ASH1L: variants seen among roughly 807,000 people sequenced by gnomAD.
The protein encoded by ASH1L is ASH1 like histone lysine methyltransferase, also known as histone-lysine N-methyltransferase ASH1L.
Under a neutral mutation model 269.0 loss-of-function variants are expected in ASH1L, and 23 were observed. The observed-to-expected ratio is 0.09, with a 90% confidence interval of 0.06 to 0.12. The LOEUF (loss-of-function observed/expected upper bound fraction) is 0.12. ASH1L is among the 10% of genes least tolerant of loss of function. ASH1L has a pLI of 1.00. For synonymous variants in ASH1L, 1,187 were observed against 1,253.5 expected, an observed-to-expected ratio of 0.95 and a Z score of 1.12; for missense variants, 2,912 against 3,567.8, an observed-to-expected ratio of 0.82 and a Z score of 4.68.
At position 155,388,715 on chromosome 1, in the gene ASH1L, CTTT is replaced by C. The variant is rs142537672; in HGVS notation, c.6103+6741_6103+6743del. ...GGTCTATGTGTCCTGAATTGCGATT[CTTT>C]TTTTTTTTTTTTTTCATAGAAAACA... On this transcript the variant is annotated intron_variant, in intron 7 of 27. Transcript: ENST00000392403. Among the ~76,000 whole-genome samples, 684 of 131,666 alleles carry C rather than the reference CTTT, an allele frequency of 5.2e-3. 10 individuals are homozygous for C. The highest frequency in any genetic ancestry group is 0.02 in the African/African-American group (661 of 33,346). The allele number at this position is 131,666 out of a possible 152,430, so 86.4% of individuals were successfully genotyped here.
At chr1:155,375,008 T>G (rs963310794) in intron 10 of ASH1L, among the ~76,000 whole-genome samples, 3 of 151,914 alleles carry the variant, frequency 2.0e-5, no homozygotes, top group African/African-American at 4.8e-5. Flanking sequence ...GAGGTGGGGT[T>G]TTGCCATGTT....
intron 7 of ASH1L, among the ~76,000 whole-genome samples, chr1:155,383,618 T>C (rs1417804237): frequency 6.6e-6 from 1 of 152,242 alleles, no homozygotes; most frequent in Non-Finnish European, 1.5e-5. Context: ...TTTCTCAGAA[T>C]GTATCCTCAT....
In ASH1L at chr1:155,349,226, C is replaced by T. The variant is rs1653659192; in HGVS notation, c.7554+101G>A. The T allele has an allele frequency of 2.2e-6, 3 of 1,366,194 alleles. No individual in the cohort carries two copies. The Admixed American group carries it at 6.7e-5, about 31-fold the overall frequency. 84.6% of individuals were successfully genotyped at this position (1,366,194 alleles called of 1,614,324 possible). A position where few individuals can be genotyped will look rare whatever the true frequency, so the allele number is the denominator to read the frequency against. ...ACTCAAAAATGACTGGCTTTTCCAACCAGAAATATGGCTGATAGAGGAGGG... is the reference window on the plus strand; with the variant it reads ...ACTCAAAAATGACTGGCTTTTCCAATCAGAAATATGGCTGATAGAGGAGGG... On this transcript the variant is annotated intron_variant, in intron 19 of 27. Transcript: ENST00000392403.
At chr1:155,400,251 G>C (rs2148496234) in intron 6 of ASH1L, among the ~76,000 whole-genome samples, 2 of 151,728 alleles carry the variant, frequency 1.3e-5, no homozygotes, top group Non-Finnish European at 2.9e-5. Flanking sequence ...AGAATCGCTT[G>C]AATCTAGGAG....
intron 2 of ASH1L, among the ~76,000 whole-genome samples, chr1:155,484,802 G>A (rs534115957): frequency 1.0e-4 from 15 of 150,748 alleles, no homozygotes; most frequent in South Asian, 2.1e-4. Context: ...GGTGGCGGGC[G>A]CCTGTAATCC....
At chr1:155,506,504 C>A (rs1667822629) in intron 2 of ASH1L, among the ~76,000 whole-genome samples, 1 of 152,064 alleles carries the variant, frequency 6.6e-6, no homozygotes, top group East Asian at 1.9e-4. Flanking sequence ...CAAGATTAGC[C>A]TGGCCAACAT....
intron 2 of ASH1L, among the ~76,000 whole-genome samples, chr1:155,486,130 A>G (rs2148745947): frequency 6.6e-6 from 1 of 152,316 alleles, no homozygotes; most frequent in East Asian, 1.9e-4. Flanking sequence ...CTGACTCAAC[A>G]GTTTCACTTC....
Position 155,336,021 on chromosome 1 carries a change from T to C in ASH1L, c.*1639A>G, listed in dbSNP as rs1652283645. ...CTCTTAGTAATGTACAGTGCTTCTC[T>C]ACAGTAAGAAAATACTCCAAACTAT... On this transcript the variant is annotated 3_prime_UTR_variant, in exon 28 of 28. Transcript: ENST00000392403. 1 of 152,730 alleles carries C rather than the reference T, an allele frequency of 6.5e-6. No homozygotes were observed. The highest frequency in any genetic ancestry group is 1.5e-5 in the Non-Finnish European group (1 of 68,050). The allele number at this position is 152,730 out of a possible 1,614,324, so 9.5% of individuals were successfully genotyped here.
intron 2 of ASH1L, among the ~76,000 whole-genome samples, chr1:155,501,675 T>G (rs895093222): frequency 2.6e-5 from 4 of 152,120 alleles, no homozygotes; most frequent in Non-Finnish European, 5.9e-5. Flanking sequence ...TATTCATTCA[T>G]TTTTTTGAGA....
intron 6 of ASH1L, chr1:155,396,955 C>T (rs1178912594): frequency 7.0e-6 from 1 of 143,868 alleles, no homozygotes; most frequent in East Asian, 2.1e-4. Flanking sequence ...CAGCTAGACA[C>T]CATCTCAAAA....
rs557498390 is a variant in ASH1L at position 155,448,942 on chromosome 1, G to GT, written c.5087-9875dup. On this transcript the variant is annotated intron_variant, in intron 4 of 27. Transcript: ENST00000392403. ...CCCACAAATTTCTATGTGTGTGTGT[G>GT]TTTTTTTTTTTAAACGGAGTCTCGC... 9.5e-3 allele frequency among the ~76,000 whole-genome samples: 1,356 copies of GT among 143,320 alleles called. 8 individuals are homozygous for GT. The highest frequency in any genetic ancestry group is 0.014 in the Non-Finnish European group (922 of 65,988). The allele number at this position is 143,320 out of a possible 152,430, so 94.0% of individuals were successfully genotyped here. A position where few individuals can be genotyped will look rare whatever the true frequency, so the allele number is the denominator to read the frequency against.
In ASH1L at chr1:155,447,724, C is replaced by T. The variant is rs757182716; in HGVS notation, c.5087-8656G>A. Among the ~76,000 whole-genome samples the T allele has an allele frequency of 3.3e-5, 5 of 152,058 alleles. 1 individual carries two copies. The highest frequency in any genetic ancestry group is 1.2e-4 in the African/African-American group (5 of 41,406). On this transcript the variant is annotated intron_variant, in intron 4 of 27. Transcript: ENST00000392403. The stretch of plus-strand genomic sequence containing the variant: ...TTTAAACAGATTATTAGACTTTTAC[C>T]TATAGAGTGGTTTGAATTTACATAT...
intron 5 of ASH1L, among the ~76,000 whole-genome samples, chr1:155,421,503 T>G (rs924120546): frequency 1.3e-5 from 2 of 151,458 alleles, no homozygotes; most frequent in Non-Finnish European, 2.9e-5. Context: ...AAACCCCGTC[T>G]CTTCTAAAAA....
At position 155,549,565 on chromosome 1, in the gene ASH1L, C is replaced by T. The variant is rs199768166; in HGVS notation, c.-100+12588G>A. Among the ~76,000 whole-genome samples, 4 of 145,792 alleles carry T rather than the reference C, an allele frequency of 2.7e-5. No individual in the cohort carries two copies. The South Asian group carries it at 6.4e-4, about 23-fold the overall frequency. Reference sequence around the variant, plus strand: ...ACTTGAACCCAGGAAGCGGAGGTTGCAGTGAGCCGAGATCGTGCCATTGCA... The same window carrying T: ...ACTTGAACCCAGGAAGCGGAGGTTGTAGTGAGCCGAGATCGTGCCATTGCA... On this transcript the variant is annotated intron_variant, in intron 1 of 27. Transcript: ENST00000392403.
intron 6 of ASH1L, among the ~76,000 whole-genome samples, chr1:155,411,586 A>AATAAATAAATATAT (rs1297131961): frequency 1.4e-3 from 77 of 55,146 alleles, no homozygotes; most frequent in African/African-American, 4.3e-3. Flanking sequence ...TAAATAAATA[A>AATAAATAAATATAT]ATATATATAT....
intron 5 of ASH1L, among the ~76,000 whole-genome samples, chr1:155,427,974 G>A (rs1218399023): frequency 6.6e-6 from 1 of 152,112 alleles, no homozygotes; most frequent in Non-Finnish European, 1.5e-5. Context: ...CTCTAGCCCT[G>A]TAACCAGTAT....
intron 7 of ASH1L, among the ~76,000 whole-genome samples, chr1:155,390,533 T>C (rs769656260): frequency 3.3e-5 from 5 of 151,642 alleles, no homozygotes; most frequent in African/African-American, 4.8e-5. Context: ...AAAAAACAAC[T>C]ATAGAACAAA....
intron 1 of ASH1L, among the ~76,000 whole-genome samples, chr1:155,535,869 A>G (rs1377318155): frequency 1.3e-5 from 2 of 151,968 alleles, no homozygotes; most frequent in African/African-American, 4.8e-5. Context: ...GTGGTGGCGC[A>G]TGCCTGTAAT....
intron 2 of ASH1L, among the ~76,000 whole-genome samples, chr1:155,491,466 C>A (rs192227534): frequency 6.6e-6 from 1 of 152,180 alleles, no homozygotes; most frequent in East Asian, 1.9e-4. Flanking sequence ...TTCCTTACAA[C>A]CACCATATAG....
Sources: allele counts gnomAD v4.1 joint callset (sites outside exome capture counted in the v4.1 genomes callset), GRCh38; gene constraint gnomAD v4.1.1; transcripts MANE v1.5; gene names NCBI Gene and HGNC (gene_info 2026-07-23, HGNC 2026-07-21).